Variants in SLC5A5 observed in about 807,000 individuals in gnomAD.
SLC5A5 encodes solute carrier family 5 member 5.
A neutral mutation model predicts 68.6 loss-of-function variants in SLC5A5; 56 were observed. That is an observed-to-expected ratio of 0.82 (90% CI 0.66 to 1.02). The LOEUF (loss-of-function observed/expected upper bound fraction) is 1.02, where lower values mean the gene tolerates loss of function less well. Among genes scored for constraint, SLC5A5 ranks in the 50% least tolerant of loss-of-function variants. SLC5A5 has a pLI of 0.00. For synonymous variants in SLC5A5, 398 were observed against 373.0 expected (o/e 1.07, Z -0.77); for missense variants, 807 against 859.8 (o/e 0.94, Z 0.77).
intron 12 of SLC5A5, among the ~76,000 whole-genome samples, chr19:17,885,009 ATT>A (rs71164317): frequency 2.1e-4 from 28 of 132,260 alleles, no homozygotes; most frequent in Admixed American, 3.1e-4. Context: ...AACATTTTCT[ATT>A]TTTTTTTTTT....
In SLC5A5 at chr19:17,884,687, C is replaced by T. The variant is rs544524547; in HGVS notation, c.1526+641C>T. On this transcript the variant is annotated intron_variant, in intron 12 of 14. Transcript: ENST00000222248. The stretch of plus-strand genomic sequence containing the variant: ...ACTCGGGAGGCTGAGACAGGAGAAT[C>T]GCTTGAACCCAGGAGGTGGAGGTTG... 1.2e-4 allele frequency among the ~76,000 whole-genome samples: 18 copies of T among 151,806 alleles called. No individual in the cohort carries two copies. In the East Asian group the frequency reaches 2.1e-3, roughly 18 times the overall value.
chr19:17,891,560 T>A (rs750600931), intron 14 of SLC5A5, among the ~76,000 whole-genome samples: 1 of 152,192 alleles, frequency 6.6e-6, no homozygotes, highest in South Asian at 2.1e-4. Flanking sequence ...AGTTGAATAC[T>A]ATTCCTTTTT....
intron 1 of SLC5A5, among the ~76,000 whole-genome samples, chr19:17,873,184 G>C (rs1187420586): frequency 6.6e-6 from 1 of 152,236 alleles, no homozygotes; most frequent in Admixed American, 6.5e-5. Flanking sequence ...ACCGGGGCCC[G>C]GTGCGGTGGC....
chr19:17,894,381 T>G lies in SLC5A5; in HGVS notation c.*504T>G, dbSNP rs1280054951. 1.8e-5 allele frequency: 3 copies of G among 162,206 alleles called. No individual in the cohort carries two copies. In the East Asian group the frequency reaches 5.4e-4, roughly 29 times the overall value. 10.0% of individuals were successfully genotyped at this position (162,206 alleles called of 1,614,324 possible). A position where few individuals can be genotyped will look rare whatever the true frequency, so the allele number is the denominator to read the frequency against. The stretch of plus-strand genomic sequence containing the variant: ...TCAGGCTGGTCTCGAACTCCTGACC[T>G]CAAGTGATCCACCTGCCTCGGCCTC... On this transcript the variant is annotated 3_prime_UTR_variant, in exon 15 of 15. Coordinates refer to ENST00000222248, the MANE Select transcript of SLC5A5 (RefSeq NM_000453.3).
In SLC5A5 at chr19:17,877,819, GGTGCA is replaced by G; in HGVS notation, c.797_801del (p.Val266AlafsTer42). 6.2e-7 allele frequency: 1 copy of G among 1,614,240 alleles called. No homozygotes were observed. On this transcript the variant is annotated frameshift_variant, in exon 6 of 15. Transcript: ENST00000222248. ...CCATGTATGGCGTGAACCAGGCGCAGGTGCAGCGCTACGTGGCTTGCCGCACAGAG... is the reference window on the plus strand; with the variant it reads ...CCATGTATGGCGTGAACCAGGCGCAGGCGCTACGTGGCTTGCCGCACAGAG...
intron 7 of SLC5A5, among the ~76,000 whole-genome samples, chr19:17,880,503 C>T (rs1332564250): frequency 6.6e-6 from 1 of 152,158 alleles, no homozygotes; most frequent in Admixed American, 6.6e-5. Context: ...GCGTGAGTCA[C>T]CCTGCCCGGC....
In SLC5A5 at chr19:17,872,592, C is replaced by T. The variant is rs781124460; in HGVS notation, c.273C>T (p.Cys91=). 6.8e-6 allele frequency: 11 copies of T among 1,612,640 alleles called. No individual in the cohort carries two copies. The highest frequency in any genetic ancestry group is 2.2e-5 in the East Asian group (1 of 44,880). The part of the protein sequence containing the change: ...YRYGLKFLWM[C]LGQLLNSVLT... ...ATGGCCTCAAGTTCCTCTGGATGTGCCTGGGCCAGCTTCTGAACTCGGTCC... is the reference window on the plus strand; with the variant it reads ...ATGGCCTCAAGTTCCTCTGGATGTGTCTGGGCCAGCTTCTGAACTCGGTCC... Residue 91 remains cysteine, a synonymous_variant, in exon 1 of 15, where the codon TGC becomes TGT. Coordinates refer to ENST00000222248, the MANE Select transcript of SLC5A5 (RefSeq NM_000453.3).
chr19:17,883,825 T>A, intron 11 of SLC5A5, 25 bp from the exon 12 acceptor site: 1 of 1,606,334 alleles, frequency 6.2e-7, no homozygotes, highest in Non-Finnish European at 8.5e-7. Context: ...CCCCTCCCCT[T>A]CCCTGACGCC....
chr19:17,883,771 A>T lies in SLC5A5; in HGVS notation c.1329+4A>T, dbSNP rs1164355759. 2 of 710,842 alleles carry T rather than the reference A, an allele frequency of 2.8e-6. No individual in the cohort carries two copies. The highest frequency in any genetic ancestry group is 6.5e-5 in the East Asian group (1 of 15,298). The allele number at this position is 710,842 out of a possible 1,614,324, so 44.0% of individuals were successfully genotyped here. A position where few individuals can be genotyped will look rare whatever the true frequency, so the allele number is the denominator to read the frequency against. ...CCTGCCGGCCTGCAACACACCGGTG[A>T]GTGGGGGCGGGGCAAGGGGCGGGGA... On this transcript the variant is annotated splice_donor_region_variant and intron_variant, in intron 11 of 14. Coordinates refer to ENST00000222248, the MANE Select transcript of SLC5A5 (RefSeq NM_000453.3).
chr19:17,872,656 G>T lies in SLC5A5; in HGVS notation c.337G>T (p.Gly113Cys). 1 of 1,604,142 alleles carries T rather than the reference G, an allele frequency of 6.2e-7. No homozygotes were observed. ...CTTCATGCCCGTCTTCTACCGCCTG[G>T]GCCTCACCAGCACCTACGAGGTACC... ...LLFMPVFYRL[G>C]LTSTYEYLEM... The change falls in exon 1 of 15, where the codon GGC (glycine) becomes TGC (cysteine). Residue 113 changes from glycine to cysteine, a missense_variant. By Grantham distance (159) the Gly-to-Cys change is radical. Transcript: ENST00000222248.
Position 17,874,515 on chromosome 19 carries a change from A to G in SLC5A5, c.445A>G (p.Ile149Val). The G allele has an allele frequency of 6.2e-7, 1 of 1,613,996 alleles. No homozygotes were observed. Among genetic ancestry groups the G allele is most frequent in the Non-Finnish European group, 8.5e-7 (1 of 1,180,000 alleles). ...ACAGATGCTGTACACCGGCATCGTA[A>G]TCTACGCACCGGCCCTCATCCTGAA... is the stretch of plus-strand genomic sequence containing the variant. Reference protein sequence around the residue: ...VATMLYTGIVIYAPALILNQV... With the variant: ...VATMLYTGIVVYAPALILNQV... The change falls in exon 3 of 15, where the codon ATC becomes GTC. Residue 149 changes from isoleucine (I) to valine (V), a missense_variant. Coordinates refer to ENST00000222248, the MANE Select transcript of SLC5A5 (RefSeq NM_000453.3).
intron 7 of SLC5A5, 92 bp downstream of exon 7, chr19:17,878,185 C>A: frequency 6.9e-7 from 1 of 1,456,324 alleles, no homozygotes; most frequent in Non-Finnish European, 9.5e-7. Flanking sequence ...GAGGGAATGG[C>A]CTGTGCAAAG....
At chr19:17,888,720 C>T (rs1236802624) in intron 13 of SLC5A5, among the ~76,000 whole-genome samples, 2 of 151,610 alleles carry the variant, frequency 1.3e-5, no homozygotes. Flanking sequence ...GCAACCTCCA[C>T]CTCCCAGATT....
intron 12 of SLC5A5, among the ~76,000 whole-genome samples, chr19:17,888,000 A>T (rs2029989860): frequency 6.6e-6 from 1 of 152,154 alleles, no homozygotes; most frequent in African/African-American, 2.4e-5. Flanking sequence ...GCAGTCACGA[A>T]GATTCCCACC....
chr19:17,890,371 C>T (rs1159031290), intron 13 of SLC5A5, among the ~76,000 whole-genome samples: 1 of 151,834 alleles, frequency 6.6e-6, no homozygotes, highest in Non-Finnish European at 1.5e-5. Flanking sequence ...TGCCCAACCT[C>T]CAATGATGTT....
In SLC5A5 at chr19:17,874,241, G is replaced by A. The variant is rs371415533; in HGVS notation, c.423+38G>A. The stretch of plus-strand genomic sequence containing the variant: ...GGCCCCGCCCTCCGCTCAGGGCCCC[G>A]AGAGCGTCAGCCTTCACTAGCCCGG... On this transcript the variant is annotated intron_variant, in intron 2 of 14. Transcript: ENST00000222248. 2.8e-6 allele frequency: 4 copies of A among 1,453,112 alleles called. No homozygotes were observed. In the African/African-American group the frequency reaches 4.2e-5, roughly 15 times the overall value. The allele number at this position is 1,453,112 out of a possible 1,614,324, so 90.0% of individuals were successfully genotyped here. A position where few individuals can be genotyped will look rare whatever the true frequency, so the allele number is the denominator to read the frequency against.
intron 13 of SLC5A5, among the ~76,000 whole-genome samples, chr19:17,888,810 T>C (rs1440531855): frequency 6.6e-6 from 1 of 151,504 alleles, no homozygotes; most frequent in Non-Finnish European, 1.5e-5. Context: ...TTTTGCATTT[T>C]TAGTAGAGAC....
Position 17,883,840 on chromosome 19 carries a change from C to A in SLC5A5, c.1330-10C>A, listed in dbSNP as rs1181057058. 1 of 1,602,880 alleles carries A rather than the reference C, an allele frequency of 6.2e-7. No homozygotes were observed. Among genetic ancestry groups the A allele is most frequent in the Admixed American group, 1.7e-5 (1 of 59,014 alleles). On this transcript the variant is annotated splice_polypyrimidine_tract_variant and intron_variant, in intron 11 of 14. Coordinates refer to ENST00000222248, the MANE Select transcript of SLC5A5 (RefSeq NM_000453.3). ...CCCCTCCCCTTCCCTGACGCCGGCT[C>A]TGCCCCCAGGGCGTCCTCGCGGGAC...
Position 17,874,699 on chromosome 19 carries a change from A to G in SLC5A5, c.511A>G (p.Thr171Ala). 6.2e-7 allele frequency: 1 copy of G among 1,614,040 alleles called. No individual in the cohort carries two copies. The highest frequency in any genetic ancestry group is 8.5e-7 in the Non-Finnish European group (1 of 1,180,008). Reference sequence around the variant, plus strand: ...GGACATCTGGGCGTCGCTCCTGTCCACCGGAATTATCTGCACCTTCTACAC... The same window carrying G: ...GGACATCTGGGCGTCGCTCCTGTCCGCCGGAATTATCTGCACCTTCTACAC... ...GLDIWASLLS[T>A]GIICTFYTAV... The change falls in exon 4 of 15, where the codon ACC (threonine) becomes GCC (alanine). Residue 171 changes from threonine to alanine, a missense_variant. Coordinates refer to ENST00000222248, the MANE Select transcript of SLC5A5 (RefSeq NM_000453.3).
Sources: gnomAD v4.1 joint callset for allele counts (sites outside exome capture counted in the v4.1 genomes callset) on GRCh38, gnomAD v4.1.1 for gene constraint, MANE v1.5 for transcripts, NCBI Gene and HGNC (gene_info 2026-07-23, HGNC 2026-07-21) for gene names.